Variants in DYNLT2B observed in about 807,000 individuals in gnomAD.
DYNLT2B encodes the protein dynein light chain Tctex-type protein 2B.
DYNLT2B carries 14 observed loss-of-function variants against 19.5 expected under a neutral mutation model. The observed-to-expected ratio is 0.72, with a 90% CI of 0.47 to 1.12. The LOEUF is 1.12. DYNLT2B is among the 50% of genes most tolerant of loss of function. The pLI, the probability that DYNLT2B is intolerant of heterozygous loss-of-function variation, is 0.00. For missense variants in DYNLT2B, 133 were observed against 174.7 expected, an observed-to-expected ratio of 0.76 and a Z score of 1.35; for synonymous variants, 70 against 59.7, an observed-to-expected ratio of 1.17 and a Z score of -0.79.
chr3:196,313,152 T>C (rs1301482302), intron 2 of DYNLT2B, among the ~76,000 whole-genome samples: 2 of 152,098 alleles, frequency 1.3e-5, no homozygotes, highest in Non-Finnish European at 2.9e-5. Flanking sequence ...TTTGTCCATG[T>C]ATATGGACAT....
At position 196,316,351 on chromosome 3, in the gene DYNLT2B, T is replaced by C. The variant is rs565380536; in HGVS notation, c.114-120A>G. On this transcript the variant is annotated intron_variant, in intron 1 of 4. Transcript: ENST00000325318. ...CACTTAATCCTTCTTTTTCATATTTTTTATTATAAAATATAAACAAATTAA... is the reference window on the plus strand; with the variant it reads ...CACTTAATCCTTCTTTTTCATATTTCTTATTATAAAATATAAACAAATTAA... 29 of 1,060,494 alleles carry C rather than the reference T, an allele frequency of 2.7e-5. No individual in the cohort carries two copies. The East Asian group carries it at 7.4e-4, about 27-fold the overall frequency. The allele number at this position is 1,060,494 out of a possible 1,614,324, so 65.7% of individuals were successfully genotyped here.
At chr3:196,308,625 A>C (rs1166872129) in intron 2 of DYNLT2B, among the ~76,000 whole-genome samples, 2 of 152,246 alleles carry the variant, frequency 1.3e-5, no homozygotes, top group South Asian at 2.1e-4. Flanking sequence ...AGCGAAGCTG[A>C]AAGAGCCAGC....
intron 2 of DYNLT2B, chr3:196,315,209 C>T: frequency 2.4e-6 from 1 of 424,716 alleles, no homozygotes; most frequent in Non-Finnish European, 4.6e-6. Context: ...TAATAGAATC[C>T]ACAGCTAACA....
At chr3:196,310,689 A>C (rs1332700202) in intron 2 of DYNLT2B, among the ~76,000 whole-genome samples, 1 of 150,414 alleles carries the variant, frequency 6.6e-6, no homozygotes, top group Non-Finnish European at 1.5e-5. Context: ...CTGCCTCCCA[A>C]AGTTCTGGGA....
intron 2 of DYNLT2B, among the ~76,000 whole-genome samples, chr3:196,314,172 A>G (rs548416132): frequency 3.3e-5 from 5 of 152,146 alleles, no homozygotes; most frequent in African/African-American, 1.2e-4. Context: ...TTTTATGAAG[A>G]TATTCTTTCT....
chr3:196,292,126 G>A (rs1363142368), intron 4 of DYNLT2B, among the ~76,000 whole-genome samples: 1 of 152,204 alleles, frequency 6.6e-6, no homozygotes, highest in Admixed American at 6.5e-5. Flanking sequence ...TTCTGGATAA[G>A]AGAAATAGTC....
At chr3:196,310,312 A>G (rs1244741587) in intron 2 of DYNLT2B, among the ~76,000 whole-genome samples, 1 of 149,476 alleles carries the variant, frequency 6.7e-6, no homozygotes, top group East Asian at 2.0e-4. Flanking sequence ...GGATTTCACC[A>G]TCTTGGTCAG....
At position 196,318,115 on chromosome 3, in the gene DYNLT2B, T is replaced by A; in HGVS notation, c.38A>T (p.Asp13Val). 1 of 1,441,552 alleles carries A rather than the reference T, an allele frequency of 6.9e-7. No homozygotes were observed. The highest frequency in any genetic ancestry group is 9.1e-7 in the Non-Finnish European group (1 of 1,101,604). 89.3% of individuals were successfully genotyped at this position (1,441,552 alleles called of 1,614,324 possible). Reference sequence around the variant, plus strand: ...GTTCTTCTCAGCCTCAGGCACCCCGTCGCCCACCGAGAAGGACACTCCGAT... The same window carrying A: ...GTTCTTCTCAGCCTCAGGCACCCCGACGCCCACCGAGAAGGACACTCCGAT... ...TSIGVSFSVGDGVPEAEKNAG... is the reference protein window; with the variant it reads ...TSIGVSFSVGVGVPEAEKNAG... The change falls in exon 1 of 5, where the codon GAC becomes GTC. Residue 13 changes from aspartate to valine, a missense_variant. Coordinates refer to ENST00000325318, the MANE Select transcript of DYNLT2B (RefSeq NM_152773.5).
intron 1 of DYNLT2B, 132 bp downstream of exon 1, chr3:196,317,908 C>A (rs1364033446): frequency 7.8e-6 from 3 of 387,084 alleles, no homozygotes; most frequent in Non-Finnish European, 1.3e-5. Context: ...GCCCGCCTCG[C>A]GGCCTCCCGC....
chr3:196,317,915 C>T, intron 1 of DYNLT2B, 125 bp downstream of exon 1: 1 of 428,832 alleles, frequency 2.3e-6, no homozygotes. Context: ...TCGCGGCCTC[C>T]CGCCTCCCGC....
intron 2 of DYNLT2B, among the ~76,000 whole-genome samples, chr3:196,310,576 G>A (rs896602387): frequency 2.0e-5 from 3 of 150,958 alleles, no homozygotes; most frequent in Admixed American, 1.3e-4. Flanking sequence ...TTACAGGCAC[G>A]CACCACCATA....
At chr3:196,305,449 ACT>A (rs1266025202) in intron 3 of DYNLT2B, among the ~76,000 whole-genome samples, 1 of 152,180 alleles carries the variant, frequency 6.6e-6, no homozygotes, top group Non-Finnish European at 1.5e-5. Context: ...AATATAGGAA[ACT>A]CTACAGGACA....
intron 3 of DYNLT2B, among the ~76,000 whole-genome samples, chr3:196,303,489 G>C (rs939408947): frequency 6.6e-6 from 1 of 152,188 alleles, no homozygotes; most frequent in African/African-American, 2.4e-5. Flanking sequence ...CATATGAACA[G>C]TAACATGTCA....
chr3:196,316,419 A>C (rs570135307), intron 1 of DYNLT2B, among the ~76,000 whole-genome samples, 188 bp from the exon 2 acceptor site: 1 of 152,272 alleles, frequency 6.6e-6, no homozygotes, highest in East Asian at 1.9e-4. Context: ...CTGGACCTGC[A>C]CTGAACTTCA....
At chr3:196,307,307 T>C (rs772173666) in intron 2 of DYNLT2B, among the ~76,000 whole-genome samples, 2 of 152,148 alleles carry the variant, frequency 1.3e-5, no homozygotes, top group Non-Finnish European at 2.9e-5. Flanking sequence ...TATCTTTTTT[T>C]TGTTTTGTTT....
At chr3:196,309,947 CAA>C (rs113938332) in intron 2 of DYNLT2B, among the ~76,000 whole-genome samples, 3 of 129,652 alleles carry the variant, frequency 2.3e-5, no homozygotes, top group African/African-American at 3.0e-5. Context: ...AAACTCAGTC[CAA>C]AAAAAAAAAG....
intron 1 of DYNLT2B, among the ~76,000 whole-genome samples, chr3:196,317,045 T>TGTTGTGTGGTGTGTGTGTGG: frequency 1.2e-5 from 1 of 80,726 alleles, no homozygotes; most frequent in African/African-American, 4.3e-5. Flanking sequence ...TGTGTGTGTG[T>TGTTGTGTGGTGTGTGTGTGG]TGTGTGGTGT....
chr3:196,317,938 G>A (rs1553843264), intron 1 of DYNLT2B, 102 bp downstream of exon 1: 2 of 533,730 alleles, frequency 3.7e-6, no homozygotes, highest in Non-Finnish European at 5.5e-6. Flanking sequence ...CGCGGACCCC[G>A]CGCGTCCCCC....
intron 3 of DYNLT2B, among the ~76,000 whole-genome samples, chr3:196,303,740 T>C (rs1726413837): frequency 6.6e-6 from 1 of 152,120 alleles, no homozygotes; most frequent in South Asian, 2.1e-4. Context: ...GTATCCTAGA[T>C]AGAATCCTAA....
Sources: allele counts gnomAD v4.1 joint callset (sites outside exome capture counted in the v4.1 genomes callset), GRCh38; gene constraint gnomAD v4.1.1; transcripts MANE v1.5; gene names NCBI Gene and HGNC (gene_info 2026-07-23, HGNC 2026-07-21).